STK3: variants seen among roughly 807,000 people sequenced by gnomAD.
STK3 encodes serine/threonine kinase 3.
STK3 carries 41 observed loss-of-function variants against 58.0 expected under a neutral mutation model. The ratio of observed to expected loss-of-function variants is 0.71; its 90% CI spans 0.55 to 0.92. The LOEUF is 0.92. STK3 is among the 40% of genes least tolerant of loss of function. The pLI is 0.00. For synonymous variants in STK3, 170 were observed against 191.0 expected (o/e 0.89, Z 0.91); for missense variants, 479 against 602.7 (o/e 0.79, Z 2.15).
At chr8:98,506,708 A>T (rs747529212) in intron 10 of STK3, among the ~76,000 whole-genome samples, 1 of 151,494 alleles carries the variant, frequency 6.6e-6, no homozygotes, top group Admixed American at 6.6e-5. Flanking sequence ...GCAAGACTCC[A>T]TCAAAAGAAA....
At chr8:98,418,582 G>A (rs906144429) in intron 3 of STK3, among the ~76,000 whole-genome samples, 2 of 152,178 alleles carry the variant, frequency 1.3e-5, no homozygotes, top group African/African-American at 4.8e-5. Flanking sequence ...CCTCTGAACT[G>A]AGGGAGGTTT....
chr8:98,401,292 C>T (rs1817941715), downstream of STK3: 1 of 152,202 alleles, frequency 6.6e-6, no homozygotes, highest in African/African-American at 2.4e-5. Context: ...GCTGGGACTC[C>T]AGCTGCAACT....
chr8:98,795,767 A>C (rs1391405943), intron 1 of STK3, among the ~76,000 whole-genome samples: 1 of 152,086 alleles, frequency 6.6e-6, no homozygotes, highest in Non-Finnish European at 1.5e-5. Flanking sequence ...AGCCAAGTCA[A>C]GAACACGATC....
intron 8 of STK3, among the ~76,000 whole-genome samples, chr8:98,556,787 C>T (rs927431085): frequency 2.6e-5 from 4 of 151,936 alleles, no homozygotes; most frequent in Non-Finnish European, 2.9e-5. Flanking sequence ...AGAGCCTGTA[C>T]TAAAAAGGGT....
rs572765532 is a variant in STK3 at position 98,502,450 on chromosome 8, G to A, written c.1317+24292C>T. On this transcript the variant is annotated intron_variant, in intron 10 of 10. Transcript: ENST00000419617. ...AGAACTTCCAACACTATGTTGAATA[G>A]GAGTGGTAAGAGAGGGCATCCCTGT... is the stretch of plus-strand genomic sequence containing the variant. 2.6e-5 allele frequency among the ~76,000 whole-genome samples: 4 copies of A among 152,280 alleles called. No individual in the cohort carries two copies. The South Asian group carries it at 6.2e-4, about 24-fold the overall frequency.
intron 7 of STK3, among the ~76,000 whole-genome samples, chr8:98,585,574 T>C (rs1305304722): frequency 6.7e-6 from 1 of 148,822 alleles, no homozygotes; most frequent in Non-Finnish European, 1.5e-5. Context: ...GACTTGGCGA[T>C]GCGGGCTCTT....
chr8:98,581,589 A>G (rs1813888501), intron 7 of STK3, among the ~76,000 whole-genome samples: 1 of 151,830 alleles, frequency 6.6e-6, no homozygotes, highest in African/African-American at 2.4e-5. Context: ...GTGTTTGGCT[A>G]GAGTAGAACG....
chr8:98,474,349 G>A (rs957235981), intron 10 of STK3, among the ~76,000 whole-genome samples: 1 of 152,110 alleles, frequency 6.6e-6, no homozygotes, highest in African/African-American at 2.4e-5. Context: ...TACGGAAATG[G>A]CTCTTTCTTG....
chr8:98,676,088 A>G (rs574345585), intron 6 of STK3, among the ~76,000 whole-genome samples: 9 of 152,376 alleles, frequency 5.9e-5, no homozygotes, highest in Admixed American at 5.9e-4. Context: ...ACATTGTGCT[A>G]TATGAAAGCA....
At chr8:98,825,807 C>CAGAGAAG (rs1564039821), upstream of STK3, 2 of 64,140 alleles carry the variant, frequency 3.1e-5, no homozygotes, top group African/African-American at 1.1e-4. Context: ...CGCCCCGCCC[C>CAGAGAAG]GCCCCCGGCC....
intron 6 of STK3, among the ~76,000 whole-genome samples, chr8:98,690,416 A>C (rs1240136960): frequency 2.7e-5 from 4 of 150,592 alleles, no homozygotes; most frequent in Non-Finnish European, 4.4e-5. Context: ...CTGAGAGCCA[A>C]GTCAAGAATG....
rs996540166 is a variant in STK3 at position 98,633,545 on chromosome 8, C to G, written c.685-37376G>C. 7 of 714,772 alleles carry G rather than the reference C, an allele frequency of 9.8e-6. No individual in the cohort carries two copies. In the African/African-American group the frequency reaches 1.0e-4, roughly 11 times the overall value. 44.3% of individuals were successfully genotyped at this position (714,772 alleles called of 1,614,324 possible). ...CTGAGTGCAAGTAACAGAGAATCAG[C>G]CAGATTCTCCAGAGGCTCTTCAGGT... On this transcript the variant is annotated intron_variant, in intron 6 of 10. Transcript: ENST00000419617.
chr8:98,530,728 A>G (rs112974526), intron 9 of STK3, among the ~76,000 whole-genome samples: 5 of 152,374 alleles, frequency 3.3e-5, no homozygotes, highest in African/African-American at 1.2e-4. Context: ...TTTTACCCAC[A>G]GCACAGTGTC....
At chr8:98,768,042 T>C (rs1587562349) in intron 2 of STK3, among the ~76,000 whole-genome samples, 1 of 152,332 alleles carries the variant, frequency 6.6e-6, no homozygotes, top group East Asian at 1.9e-4. Flanking sequence ...CAACTGAATA[T>C]TCACGTGTTT....
chr8:98,732,263 A>T (rs552669135), intron 4 of STK3, among the ~76,000 whole-genome samples: 2 of 152,322 alleles, frequency 1.3e-5, no homozygotes, highest in South Asian at 4.1e-4. Flanking sequence ...TTTATATATT[A>T]AAAGGAACTA....
At chr8:98,851,698 T>A (rs1264574343) in intron 3 of STK3, among the ~76,000 whole-genome samples, 2 of 152,204 alleles carry the variant, frequency 1.3e-5, no homozygotes, top group Non-Finnish European at 2.9e-5. Context: ...TGGTGGCTTA[T>A]GCCTATAATC....
chr8:98,524,454 T>A (rs1008253281), intron 10 of STK3, among the ~76,000 whole-genome samples: 1 of 152,252 alleles, frequency 6.6e-6, no homozygotes, highest in Non-Finnish European at 1.5e-5. Flanking sequence ...AATATTAACA[T>A]CCTAACAATA....
At chr8:98,536,815 G>A (rs1216745323) in intron 9 of STK3, among the ~76,000 whole-genome samples, 2 of 152,220 alleles carry the variant, frequency 1.3e-5, no homozygotes, top group East Asian at 3.8e-4. Flanking sequence ...CCCAAATGGA[G>A]GATGTAGGGA....
At chr8:98,542,115 T>C (rs569296956) in intron 9 of STK3, among the ~76,000 whole-genome samples, 1 of 152,192 alleles carries the variant, frequency 6.6e-6, no homozygotes, top group Non-Finnish European at 1.5e-5. Context: ...GTAAATAAGA[T>C]AACATATACA....
Sources: gnomAD v4.1 joint callset for allele counts (sites outside exome capture counted in the v4.1 genomes callset) on GRCh38, gnomAD v4.1.1 for gene constraint, MANE v1.5 for transcripts, NCBI Gene and HGNC (gene_info 2026-07-23, HGNC 2026-07-21) for gene names.